The following BCAS3 variants were observed in gnomAD, a reference collection of about 807,000 sequenced individuals.
The protein encoded by BCAS3 is BCAS3 microtubule associated cell migration factor, also known as BCAS4/BCAS3 fusion.
BCAS3 carries 53 observed loss-of-function variants against 116.1 expected under a neutral mutation model. The observed-to-expected ratio is 0.46, with a 90% CI of 0.37 to 0.57. The LOEUF is 0.57. Ranked by LOEUF, BCAS3 falls within the 20% of genes least tolerant of loss-of-function variation. The pLI, the probability that BCAS3 is intolerant of heterozygous loss-of-function variation, is 0.00. For synonymous variants in BCAS3, 391 were observed against 408.2 expected, an observed-to-expected ratio of 0.96 and a Z score of 0.51; for missense variants, 917 against 1,165.4, an observed-to-expected ratio of 0.79 and a Z score of 3.10.
At chr17:61,185,298 T>TA (rs897000229) in intron 22 of BCAS3, among the ~76,000 whole-genome samples, 4 of 151,802 alleles carry the variant, frequency 2.6e-5, no homozygotes, top group African/African-American at 7.3e-5. Context: ...TTTTCCAACT[T>TA]AAAAAAAATA....
intron 9 of BCAS3, among the ~76,000 whole-genome samples, chr17:60,876,825 A>G (rs1033795267): frequency 6.6e-6 from 1 of 152,034 alleles, no homozygotes; most frequent in East Asian, 1.9e-4. Context: ...AAAGTTACTC[A>G]GTTTGTTTTG....
Position 60,964,500 on chromosome 17 carries a change from C to A in BCAS3, c.1221+17148C>A, listed in dbSNP as rs2061561275. Reference sequence around the variant, plus strand: ...GGATATTGGCCTGTAGTTTTCTTTTCTTGTTGTCGTGTCCTTATCTGATTT... The same window carrying A: ...GGATATTGGCCTGTAGTTTTCTTTTATTGTTGTCGTGTCCTTATCTGATTT... On this transcript the variant is annotated intron_variant, in intron 14 of 23. Coordinates refer to ENST00000407086, the MANE Select transcript of BCAS3 (RefSeq NM_017679.5). The surrounding 1 kb of genome is among the most constrained non-coding windows in gnomAD (Gnocchi z 4.6). Among the ~76,000 whole-genome samples, 1 of 151,988 alleles carries A rather than the reference C, an allele frequency of 6.6e-6. No homozygotes were observed. The highest frequency in any genetic ancestry group is 2.1e-4 in the South Asian group (1 of 4,822).
At chr17:61,038,302 G>T (rs1870479586) in intron 18 of BCAS3, among the ~76,000 whole-genome samples, 2 of 148,252 alleles carry the variant, frequency 1.3e-5, no homozygotes, top group African/African-American at 5.0e-5. Context: ...TTTTGAGACG[G>T]AGTCTCACTC....
chr17:61,264,030 T>A (rs778567390), intron 22 of BCAS3, among the ~76,000 whole-genome samples: 52 of 152,186 alleles, frequency 3.4e-4, no homozygotes, highest in Non-Finnish European at 6.3e-4. Flanking sequence ...TTACAATGTC[T>A]AGTAAAGTTA....
At chr17:60,813,250 A>G (rs2049004664) in intron 7 of BCAS3, among the ~76,000 whole-genome samples, 2 of 151,888 alleles carry the variant, frequency 1.3e-5, no homozygotes. Flanking sequence ...TCAGATTTAT[A>G]TATTTACAAT....
chr17:60,762,873 G>A (rs139773856), intron 6 of BCAS3, among the ~76,000 whole-genome samples: 40,191 of 150,028 alleles, frequency 0.27, 10,924 homozygotes, highest in African/African-American at 0.71. Flanking sequence ...CTTTTATTCC[G>A]TTGAGCAGTG....
Position 61,162,393 on chromosome 17 carries a change from T to G in BCAS3, c.2425+77829T>G, listed in dbSNP as rs11079418. On this transcript the variant is annotated intron_variant, in intron 22 of 23. Coordinates refer to ENST00000407086, the MANE Select transcript of BCAS3 (RefSeq NM_017679.5). The surrounding 1 kb of genome is among the most constrained non-coding windows in gnomAD (Gnocchi z 5.6). ...GTTTCTTTGCATTCCCAACAGAAGG[T>G]TGTTTCATATGCATTTGCCTCTACA... Among the ~76,000 whole-genome samples, 112,057 of 152,040 alleles carry G rather than the reference T, an allele frequency of 0.74. 42,177 individuals carry two copies. Among genetic ancestry groups the G allele is most frequent in the South Asian group, 0.89 (4,301 of 4,814 alleles).
chr17:61,270,117 T>C (rs1333324515), intron 22 of BCAS3, among the ~76,000 whole-genome samples: 1 of 139,786 alleles, frequency 7.2e-6, no homozygotes, highest in African/African-American at 2.7e-5. Flanking sequence ...CTGCCATTTT[T>C]TTTTTTTTTT....
chr17:61,219,420 A>G lies in BCAS3; in HGVS notation c.2425+134856A>G, dbSNP rs2144373987. Reference sequence around the variant, plus strand: ...AGTCTTCCTTTCTCACAGGTGGCCCATTGACTTGGTCTCTGTGTGCCCATA... The same window carrying G: ...AGTCTTCCTTTCTCACAGGTGGCCCGTTGACTTGGTCTCTGTGTGCCCATA... On this transcript the variant is annotated intron_variant, in intron 22 of 23. Transcript: ENST00000407086. The surrounding 1 kb of genome is among the most constrained non-coding windows in gnomAD (Gnocchi z 5.2). Among the ~76,000 whole-genome samples the G allele has an allele frequency of 6.6e-6, 1 of 152,250 alleles. No individual in the cohort carries two copies. The highest frequency in any genetic ancestry group is 6.5e-5 in the Admixed American group (1 of 15,282).
intron 6 of BCAS3, among the ~76,000 whole-genome samples, chr17:60,777,059 T>G (rs1452065626): frequency 2.0e-5 from 3 of 150,402 alleles, no homozygotes; most frequent in Non-Finnish European, 4.4e-5. Context: ...TATACACATA[T>G]ATGTGTGTGT....
chr17:60,710,494 C>G (rs1290990112), intron 5 of BCAS3, among the ~76,000 whole-genome samples: 1 of 149,288 alleles, frequency 6.7e-6, no homozygotes, highest in Non-Finnish European at 1.5e-5. Flanking sequence ...TGCAGTGGCG[C>G]AATCTCGGCT....
At chr17:60,989,340 T>C (rs573851674) in intron 14 of BCAS3, among the ~76,000 whole-genome samples, 6 of 152,318 alleles carry the variant, frequency 3.9e-5, no homozygotes, top group South Asian at 2.1e-4. Context: ...TTGACTGATA[T>C]TGAGATAAAG....
chr17:61,252,389 C>A (rs149341946), intron 22 of BCAS3, among the ~76,000 whole-genome samples: 35 of 152,162 alleles, frequency 2.3e-4, no homozygotes, highest in South Asian at 4.2e-4. Context: ...CTTGTTCAGC[C>A]CCCCCAGTTC....
In BCAS3 at chr17:60,962,678, C is replaced by T. The variant is rs1448621995; in HGVS notation, c.1221+15326C>T. Among the ~76,000 whole-genome samples the T allele has an allele frequency of 6.6e-6, 1 of 151,940 alleles. No homozygotes were observed. Among genetic ancestry groups the T allele is most frequent in the Non-Finnish European group, 1.5e-5 (1 of 67,984 alleles). ...ATGGATAGTTTGCAAATATTTTCTT[C>T]CATTCTGTGGGTTGTTTCTTCACTT... On this transcript the variant is annotated intron_variant, in intron 14 of 23. Transcript: ENST00000407086. This position sits in a 1 kb window ranked among gnomAD's most constrained non-coding sequence, Gnocchi z 4.4.
At chr17:60,977,147 G>C (rs2145378491) in intron 14 of BCAS3, among the ~76,000 whole-genome samples, 1 of 152,178 alleles carries the variant, frequency 6.6e-6, no homozygotes, top group African/African-American at 2.4e-5. Flanking sequence ...GGCCAGGCGG[G>C]GGCTGCCCCC....
At position 61,347,531 on chromosome 17, in the gene BCAS3, A is replaced by C. The variant is rs1436929372; in HGVS notation, c.2426-20796A>C. Among the ~76,000 whole-genome samples, 1 of 152,252 alleles carries C rather than the reference A, an allele frequency of 6.6e-6. No individual in the cohort carries two copies. Among genetic ancestry groups the C allele is most frequent in the East Asian group, 1.9e-4 (1 of 5,200 alleles). Reference sequence around the variant, plus strand: ...TGTGCACTGGGGACAGAGATCTAAAAAATGAAAAGCCAGATGCTGCCCAGC... The same window carrying C: ...TGTGCACTGGGGACAGAGATCTAAACAATGAAAAGCCAGATGCTGCCCAGC... On this transcript the variant is annotated intron_variant, in intron 22 of 23. Transcript: ENST00000407086. The surrounding 1 kb of genome is among the most constrained non-coding windows in gnomAD (Gnocchi z 4.3).
intron 22 of BCAS3, among the ~76,000 whole-genome samples, chr17:61,336,942 G>A (rs1006711703): frequency 2.0e-5 from 3 of 151,998 alleles, no homozygotes; most frequent in African/African-American, 7.2e-5. Flanking sequence ...GTGAAACCCT[G>A]TCTCTACTAA....
chr17:60,997,151 A>C (rs2063896446), intron 15 of BCAS3, among the ~76,000 whole-genome samples: 1 of 152,100 alleles, frequency 6.6e-6, no homozygotes, highest in African/African-American at 2.4e-5. Flanking sequence ...CTCTGATGAG[A>C]ATCTAATGCT....
intron 7 of BCAS3, among the ~76,000 whole-genome samples, chr17:60,837,900 G>C (rs9903801): frequency 0.22 from 33,289 of 151,872 alleles, 4,711 homozygotes; most frequent in African/African-American, 0.41. Context: ...GATCCACCCC[G>C]TTGGCCTCCC....
Sources: allele counts gnomAD v4.1 joint callset (sites outside exome capture counted in the v4.1 genomes callset), GRCh38; gene constraint gnomAD v4.1.1; non-coding constraint Gnocchi (gnomAD v3.1); transcripts MANE v1.5; gene names NCBI Gene and HGNC (gene_info 2026-07-23, HGNC 2026-07-21).